The following CEP128 variants were observed in gnomAD, a reference collection of about 807,000 sequenced individuals.
CEP128 encodes centrosomal protein 128, also known as centrosomal protein 128kDa.
A neutral mutation model predicts 156.7 loss-of-function variants in CEP128; 132 were observed. The ratio of observed to expected loss-of-function variants is 0.84; its 90% CI spans 0.73 to 0.97. CEP128 has a LOEUF of 0.97. CEP128 is among the 50% of genes least tolerant of loss of function. The pLI is 0.00. For synonymous variants in CEP128, 469 were observed against 448.9 expected (o/e 1.04, Z -0.57); for missense variants, 1,252 against 1,281.9 (o/e 0.98, Z 0.36).
chr14:80,741,566 G>A (rs1048966155), intron 19 of CEP128, among the ~76,000 whole-genome samples: 1 of 152,086 alleles, frequency 6.6e-6, no homozygotes, highest in African/African-American at 2.4e-5. Context: ...CTCAGTGATG[G>A]AAACTCCTTC....
intron 13 of CEP128, among the ~76,000 whole-genome samples, chr14:80,795,893 G>A (rs888767192): frequency 1.5e-4 from 23 of 152,026 alleles, no homozygotes; most frequent in Admixed American, 3.3e-4. Flanking sequence ...CTATCTCTGC[G>A]ATTTTCCTAC....
At chr14:80,819,468 G>A (rs1044989286) in intron 13 of CEP128, among the ~76,000 whole-genome samples, 7 of 151,786 alleles carry the variant, frequency 4.6e-5, no homozygotes, top group African/African-American at 1.7e-4. Context: ...GGATGGTTTC[G>A]ATCTCCTGAC....
intron 19 of CEP128, among the ~76,000 whole-genome samples, chr14:80,592,554 G>C (rs954861141): frequency 6.6e-6 from 1 of 152,098 alleles, no homozygotes; most frequent in Non-Finnish European, 1.5e-5. Context: ...ATTCACAGCC[G>C]AATTCTACCA....
rs1051443117 is a variant in CEP128, at chr14:80,778,056, A to C, written c.2212-10T>G. ...CTTCTAAACTTTCAGCCTGAGAAAA[A>C]GAGAAGGAAAAAACAGAAAGTCCAC... On this transcript the variant is annotated splice_polypyrimidine_tract_variant and intron_variant, in intron 15 of 24. Transcript: ENST00000555265. 2 of 1,609,758 alleles carry C rather than the reference A, an allele frequency of 1.2e-6. No individual in the cohort carries two copies. The highest frequency in any genetic ancestry group is 2.7e-5 in the African/African-American group (2 of 74,746).
At chr14:80,681,777 A>G (rs918743736) in intron 19 of CEP128, among the ~76,000 whole-genome samples, 2 of 152,120 alleles carry the variant, frequency 1.3e-5, no homozygotes, top group Non-Finnish European at 2.9e-5. Flanking sequence ...TCTTTTCTTT[A>G]TAAAGTACAC....
intron 12 of CEP128, among the ~76,000 whole-genome samples, chr14:80,835,032 T>C (rs902160428): frequency 2.0e-5 from 3 of 152,026 alleles, no homozygotes; most frequent in South Asian, 4.1e-4. Flanking sequence ...CAGGAGTGAG[T>C]TCTTGCTCTC....
chr14:80,664,411 A>C (rs1420288221), intron 19 of CEP128, among the ~76,000 whole-genome samples: 1 of 152,176 alleles, frequency 6.6e-6, no homozygotes, highest in Non-Finnish European at 1.5e-5. Flanking sequence ...AAGCTGAGAA[A>C]GAGCTATCAG....
chr14:80,540,202 C>CG lies in CEP128; in HGVS notation c.2881-9317_2881-9316insC, dbSNP rs200412681. Among the ~76,000 whole-genome samples the CG allele has an allele frequency of 2.7e-3, 410 of 149,918 alleles. 23 individuals are homozygous for CG. The East Asian group carries it at 0.067, about 24-fold the overall frequency. On this transcript the variant is annotated intron_variant, in intron 21 of 24. Transcript: ENST00000555265. Reference sequence around the variant, plus strand: ...TACCTACTCCCTGTTCTTACACCCCCCCCCCTTTTGAAACCCTTAATAAAA... The same window carrying CG: ...TACCTACTCCCTGTTCTTACACCCCCGCCCCCTTTTGAAACCCTTAATAAAA...
intron 2 of CEP128, among the ~76,000 whole-genome samples, chr14:80,949,095 A>C (rs1184349821): frequency 1.3e-5 from 2 of 152,204 alleles, no homozygotes; most frequent in South Asian, 4.1e-4. Context: ...CACCAGAATT[A>C]TACCAAAAAA....
chr14:80,817,846 ACT>A (rs1884953485), intron 13 of CEP128, among the ~76,000 whole-genome samples: 1 of 150,832 alleles, frequency 6.6e-6, no homozygotes, highest in Non-Finnish European at 1.5e-5. Context: ...GCGCAACTAC[ACT>A]CCAGCCTGGT....
At chr14:80,794,694 G>A (rs1045564185) in intron 13 of CEP128, among the ~76,000 whole-genome samples, 1 of 151,920 alleles carries the variant, frequency 6.6e-6, no homozygotes, top group Non-Finnish European at 1.5e-5. Flanking sequence ...ATATTAATAG[G>A]ACATAGTTTT....
At position 80,737,262 on chromosome 14, in the gene CEP128, G is replaced by A. The variant is rs377595525; in HGVS notation, c.2806+5813C>T. ...CTTCTAATAATACAAAAATTAGCCAGGCGTGGTGGCACACACCTGTAGTCC... is the reference window on the plus strand; with the variant it reads ...CTTCTAATAATACAAAAATTAGCCAAGCGTGGTGGCACACACCTGTAGTCC... On this transcript the variant is annotated intron_variant, in intron 19 of 24. Transcript: ENST00000555265. Among the ~76,000 whole-genome samples the A allele has an allele frequency of 7.9e-5, 12 of 152,102 alleles. No individual in the cohort carries two copies. The East Asian group carries it at 1.7e-3, about 22-fold the overall frequency.
intron 9 of CEP128, among the ~76,000 whole-genome samples, chr14:80,854,486 T>C (rs191831215): frequency 6.6e-6 from 1 of 152,140 alleles, no homozygotes; most frequent in African/African-American, 2.4e-5. Flanking sequence ...TCAGTCCAGG[T>C]AATTAAAAGC....
At chr14:80,756,806 A>T in intron 18 of CEP128, 86 bp downstream of exon 18, 1 of 836,162 alleles carries the variant, frequency 1.2e-6, no homozygotes, top group Non-Finnish European at 2.0e-6. Flanking sequence ...ATGTTCAGTT[A>T]CATAACAAAA....
At chr14:80,926,578 C>G (rs993592023) in intron 2 of CEP128, among the ~76,000 whole-genome samples, 3 of 152,206 alleles carry the variant, frequency 2.0e-5, no homozygotes, top group Non-Finnish European at 4.4e-5. Context: ...ACTCTGGTAG[C>G]CTAACACAAC....
At chr14:80,874,622 G>A (rs372008634) in intron 8 of CEP128, among the ~76,000 whole-genome samples, 21 of 152,176 alleles carry the variant, frequency 1.4e-4, no homozygotes, top group East Asian at 9.7e-4. Flanking sequence ...AATATAGTTT[G>A]TTTGTTTGTT....
At chr14:80,480,230 C>T (rs939017417) in intron 14 of CEP128, among the ~76,000 whole-genome samples, 4 of 152,236 alleles carry the variant, frequency 2.6e-5, no homozygotes, top group Admixed American at 1.3e-4. Context: ...TTCTCTTCTG[C>T]ACTGCCCTAG....
Position 80,904,912 on chromosome 14 carries a change from AG to A in CEP128, c.380del (p.Pro127LeufsTer17), listed in dbSNP as rs755153490. On this transcript the variant is annotated frameshift_variant, in exon 6 of 25. Coordinates refer to ENST00000555265, the MANE Select transcript of CEP128 (RefSeq NM_152446.5). LOFTEE classifies it high-confidence loss of function. The part of the protein sequence containing the change: ...GTGSELHHFP[P>X]TSPLKDYGDP... ...CCCCATAGTCCTTGAGAGGTGAGGT[AG>A]GTGGAAAATGATGGAGCTCTTCACA... 1 of 1,603,512 alleles carries A rather than the reference AG, an allele frequency of 6.2e-7. No homozygotes were observed. Among genetic ancestry groups the A allele is most frequent in the South Asian group, 1.1e-5 (1 of 90,832 alleles).
intron 19 of CEP128, among the ~76,000 whole-genome samples, chr14:80,649,184 C>G (rs567970156): frequency 5.9e-5 from 9 of 152,020 alleles, no homozygotes; most frequent in East Asian, 1.9e-4. Flanking sequence ...AAATGTGGTG[C>G]GCTCCAAAAG....
Sources: gnomAD v4.1 joint callset for allele counts (sites outside exome capture counted in the v4.1 genomes callset) on GRCh38, gnomAD v4.1.1 for gene constraint, MANE v1.5 for transcripts, NCBI Gene and HGNC (gene_info 2026-07-23, HGNC 2026-07-21) for gene names.